The following DENND4C variants were observed in gnomAD, a reference collection of about 807,000 sequenced individuals.
The protein encoded by DENND4C is DENN domain containing 4C.
A neutral mutation model predicts 203.0 loss-of-function variants in DENND4C; 108 were observed. That is an observed-to-expected ratio of 0.53 (90% CI 0.46 to 0.62). DENND4C has a LOEUF of 0.62. Among genes scored for constraint, DENND4C ranks in the 20% least tolerant of loss-of-function variants. The pLI, the probability that DENND4C is intolerant of heterozygous loss-of-function variation, is 0.00. For synonymous variants in DENND4C, 871 were observed against 792.4 expected, an observed-to-expected ratio of 1.10 and a Z score of -1.67; for missense variants, 2,481 against 2,301.2, an observed-to-expected ratio of 1.08 and a Z score of -1.60.
intron 20 of DENND4C, among the ~76,000 whole-genome samples, chr9:19,337,070 C>T (rs1201103889): frequency 6.6e-6 from 1 of 152,040 alleles, no homozygotes; most frequent in Admixed American, 6.6e-5. Flanking sequence ...ATTTGTTTAT[C>T]ATTAGTTTGT....
Position 19,305,522 on chromosome 9 carries a change from A to G in DENND4C, c.1482A>G (p.Leu494=), listed in dbSNP as rs201941170. 1.2e-6 allele frequency: 2 copies of G among 1,611,458 alleles called. No homozygotes were observed. The highest frequency in any genetic ancestry group is 1.3e-5 in the African/African-American group (1 of 75,024). ...GCATTGACTTGGATACGAACATGTT[A>G]TATGTGTAAGTTGATTCATTTTATA... ...VVCIDLDTNM[L]YVSDEKKNMN... is the part of the protein sequence containing the mutation. Residue 494 remains leucine, a synonymous_variant, in exon 10 of 33, where the codon TTA becomes TTG. Transcript: ENST00000434457.
At chr9:19,299,468 G>A (rs1838111817) in intron 8 of DENND4C, among the ~76,000 whole-genome samples, 181 bp downstream of exon 8, 1 of 151,990 alleles carries the variant, frequency 6.6e-6, no homozygotes, top group African/African-American at 2.4e-5. Flanking sequence ...TGGATGGTGG[G>A]GCTATTTTAT....
chr9:19,294,976 C>T (rs928925396), intron 5 of DENND4C, among the ~76,000 whole-genome samples: 1 of 152,172 alleles, frequency 6.6e-6, no homozygotes, highest in Non-Finnish European at 1.5e-5. Flanking sequence ...AATAGTGCTA[C>T]TGGGTGCACT....
chr9:19,345,888 G>A, intron 22 of DENND4C, 33 bp from the exon 23 acceptor site: 1 of 1,498,032 alleles, frequency 6.7e-7, no homozygotes, highest in Non-Finnish European at 9.0e-7. Context: ...TTGGAAAATA[G>A]GTTCATTGTT....
chr9:19,332,947 G>A (rs1008007834), intron 17 of DENND4C, among the ~76,000 whole-genome samples: 1 of 150,410 alleles, frequency 6.6e-6, no homozygotes, highest in Non-Finnish European at 1.5e-5. Context: ...TAGGGAATAG[G>A]CTTTTAGTAA....
chr9:19,332,417 T>C (rs1245158755), intron 17 of DENND4C, among the ~76,000 whole-genome samples: 2 of 151,976 alleles, frequency 1.3e-5, no homozygotes, highest in Non-Finnish European at 1.5e-5. Context: ...AGTTCAGCAG[T>C]GCGTCCTTGG....
chr9:19,245,811 A>T (rs1269080796), intron 1 of DENND4C, among the ~76,000 whole-genome samples: 5 of 149,662 alleles, frequency 3.3e-5, no homozygotes, highest in Admixed American at 3.3e-4. Flanking sequence ...AGCAGAGATC[A>T]TGCCATTGCA....
At chr9:19,240,251 C>T (rs938959602) in intron 1 of DENND4C, among the ~76,000 whole-genome samples, 6 of 152,124 alleles carry the variant, frequency 3.9e-5, no homozygotes, top group Admixed American at 3.3e-4. Flanking sequence ...TAGCCTATAG[C>T]CTATTGCTTC....
chr9:19,328,033 C>T lies in DENND4C; in HGVS notation c.2124C>T (p.Tyr708=). 6.3e-7 allele frequency: 1 copy of T among 1,585,508 alleles called. No homozygotes were observed. Among genetic ancestry groups the T allele is most frequent in the Non-Finnish European group, 8.5e-7 (1 of 1,171,468 alleles). ...DGKDLSPKYS[Y]KYFPRLDLKL... Reference sequence around the variant, plus strand: ...TCTATTTTTTTTTTTATTTTAGTTACAAATACTTTCCAAGACTGGACCTTA... The same window carrying T: ...TCTATTTTTTTTTTTATTTTAGTTATAAATACTTTCCAAGACTGGACCTTA... Residue 708 remains tyrosine, a synonymous_variant, in exon 16 of 33, where the codon TAC becomes TAT. Transcript: ENST00000434457.
intron 30 of DENND4C, among the ~76,000 whole-genome samples, chr9:19,365,539 A>G (rs765382434): frequency 7.9e-5 from 12 of 152,142 alleles, no homozygotes; most frequent in Non-Finnish European, 1.8e-4. Context: ...TAGCTAGAGT[A>G]ATTAGTCAAG....
At chr9:19,243,954 G>T (rs1341398366) in intron 1 of DENND4C, among the ~76,000 whole-genome samples, 1 of 152,114 alleles carries the variant, frequency 6.6e-6, no homozygotes, top group African/African-American at 2.4e-5. Context: ...GGGACTGTGG[G>T]TTTGCACCAC....
At chr9:19,360,896 G>A (rs372143465) in intron 29 of DENND4C, among the ~76,000 whole-genome samples, 6 of 152,056 alleles carry the variant, frequency 3.9e-5, no homozygotes, top group African/African-American at 1.2e-4. Flanking sequence ...TGTCTGCAAG[G>A]GTAGCTAGAA....
chr9:19,336,866 T>A lies in DENND4C; in HGVS notation c.2881+34T>A, dbSNP rs1563817237. On this transcript the variant is annotated intron_variant, in intron 20 of 32. Transcript: ENST00000434457. ...ATCCAGATTTTACTAACCCTTCACT[T>A]ACTCTCATGTTAAATCTTTCCTTTT... 2.0e-6 allele frequency: 3 copies of A among 1,528,320 alleles called. No individual in the cohort carries two copies. In the African/African-American group the frequency reaches 4.1e-5, roughly 21 times the overall value. The allele number at this position is 1,528,320 out of a possible 1,614,324, so 94.7% of individuals were successfully genotyped here.
intron 12 of DENND4C, among the ~76,000 whole-genome samples, chr9:19,317,348 A>G (rs1842031920): frequency 6.6e-6 from 1 of 152,046 alleles, no homozygotes; most frequent in African/African-American, 2.4e-5. Flanking sequence ...CTTTACAATT[A>G]GTTTGTGCAA....
chr9:19,252,842 T>G (rs1826986834), intron 1 of DENND4C, among the ~76,000 whole-genome samples: 1 of 152,110 alleles, frequency 6.6e-6, no homozygotes, highest in Non-Finnish European at 1.5e-5. Flanking sequence ...TTCAAGTAAT[T>G]CTCATGCCTC....
At chr9:19,299,323 G>C in intron 8 of DENND4C, 36 bp downstream of exon 8, 1 of 1,402,780 alleles carries the variant, frequency 7.1e-7, no homozygotes, top group Non-Finnish European at 9.7e-7. Flanking sequence ...TATTTATTCA[G>C]TTGGAGCAGA....
At chr9:19,335,817 A>G (rs1354284755) in intron 18 of DENND4C, among the ~76,000 whole-genome samples, 2 of 152,202 alleles carry the variant, frequency 1.3e-5, no homozygotes, top group African/African-American at 4.8e-5. Context: ...TGCAATAAAC[A>G]TGGGAGTACA....
chr9:19,264,450 G>A (rs983333478), intron 1 of DENND4C, among the ~76,000 whole-genome samples: 4 of 152,074 alleles, frequency 2.6e-5, no homozygotes, highest in Non-Finnish European at 5.9e-5. Context: ...GGGATTACAG[G>A]TGCCTGCCAC....
rs778144531 is a variant in DENND4C, at chr9:19,346,327, A to C, written c.3558A>C (p.Glu1186Asp). Residue 1186 changes from glutamate (E) to aspartate (D), a missense_variant, in exon 23 of 33, where the codon GAA becomes GAC. By Grantham distance (45) the Glu-to-Asp change is conservative. This residue lies in a region of DENND4C where 2,289 missense variants were observed against 2,113.3 expected (regional missense o/e 1.08). Transcript: ENST00000434457. ...CAGAGATGCTTGAGGAAAGCCAAGA[A>C]CTCCTTGAGCCTGTGGTTGATGACG... ...PVPEMLEESQELLEPVVDDVP... is the reference protein window; with the variant it reads ...PVPEMLEESQDLLEPVVDDVP... The C allele has an allele frequency of 6.2e-7, 1 of 1,614,116 alleles. No homozygotes were observed. The highest frequency in any genetic ancestry group is 8.5e-7 in the Non-Finnish European group (1 of 1,180,014).
Sources: allele counts gnomAD v4.1 joint callset (sites outside exome capture counted in the v4.1 genomes callset), GRCh38; gene constraint gnomAD v4.1.1; regional missense constraint gnomAD v4.1.1; transcripts MANE v1.5; gene names NCBI Gene and HGNC (gene_info 2026-07-23, HGNC 2026-07-21).